PCSK6: variants seen among roughly 807,000 people sequenced by gnomAD.
PCSK6 encodes proprotein convertase subtilisin/kexin type 6.
In PCSK6, 85 loss-of-function variants were observed where a neutral mutation model predicts 123.3. That is an observed-to-expected ratio of 0.69 (90% CI 0.58 to 0.83). PCSK6 has a LOEUF of 0.83. Ranked by LOEUF, PCSK6 falls within the 40% of genes least tolerant of loss-of-function variation. PCSK6 has a pLI of 0.00. For synonymous variants in PCSK6, 508 were observed against 516.0 expected, an observed-to-expected ratio of 0.98 and a Z score of 0.21; for missense variants, 1,191 against 1,282.3, an observed-to-expected ratio of 0.93 and a Z score of 1.09.
chr15:101,325,199 C>T (rs764962569), intron 16 of PCSK6, among the ~76,000 whole-genome samples, 153 bp from the exon 17 acceptor site: 1 of 152,132 alleles, frequency 6.6e-6, no homozygotes, highest in Non-Finnish European at 1.5e-5. Context: ...GAGGTTCCTA[C>T]GTACACAGGT....
intron 6 of PCSK6, among the ~76,000 whole-genome samples, chr15:101,420,046 C>G (rs1596314929): frequency 6.6e-6 from 1 of 151,902 alleles, no homozygotes; most frequent in South Asian, 2.1e-4. Flanking sequence ...AAAAAATTAG[C>G]CAGGCATGGT....
At chr15:101,406,453 C>A (rs748809540) in intron 6 of PCSK6, among the ~76,000 whole-genome samples, 1 of 152,184 alleles carries the variant, frequency 6.6e-6, no homozygotes, top group African/African-American at 2.4e-5. Flanking sequence ...ACATTTTGCT[C>A]ATTAGCCCTG....
chr15:101,395,073 G>A (rs1377352903), intron 7 of PCSK6, among the ~76,000 whole-genome samples: 2 of 152,196 alleles, frequency 1.3e-5, no homozygotes, highest in Non-Finnish European at 2.9e-5. Context: ...AAATCAAAAG[G>A]TATTTAACCC....
chr15:101,487,822 C>T (rs1596190633), intron 1 of PCSK6, among the ~76,000 whole-genome samples: 1 of 152,092 alleles, frequency 6.6e-6, no homozygotes, highest in African/African-American at 2.4e-5. Flanking sequence ...GAAGTCAGTG[C>T]TACCCGACGG....
rs2039677815 is a variant in PCSK6 at position 101,304,362 on chromosome 15, T to G, written c.*896A>C. ...CTGAAGGGCAGAGGCCAAATGTATT[T>G]TAAAAGCAATTCCATAAAATGGGAA... On this transcript the variant is annotated 3_prime_UTR_variant, in exon 22 of 22. Transcript: ENST00000611716. 6.6e-6 allele frequency: 1 copy of G among 152,398 alleles called. No individual in the cohort carries two copies. Among genetic ancestry groups the G allele is most frequent in the African/African-American group, 2.4e-5 (1 of 41,458 alleles). 9.4% of individuals were successfully genotyped at this position (152,398 alleles called of 1,614,324 possible).
chr15:101,440,753 G>A (rs1043327606), intron 2 of PCSK6, among the ~76,000 whole-genome samples: 5 of 152,196 alleles, frequency 3.3e-5, no homozygotes, highest in Non-Finnish European at 2.9e-5. Context: ...CCAACGTAGG[G>A]AAACGTTCTG....
intron 19 of PCSK6, among the ~76,000 whole-genome samples, chr15:101,314,968 G>T (rs981169163): frequency 9.2e-5 from 14 of 152,162 alleles, no homozygotes; most frequent in African/African-American, 3.1e-4. Flanking sequence ...CACCAGGCGG[G>T]GTGCCACTCT....
At chr15:101,457,408 T>C (rs926607193) in intron 1 of PCSK6, among the ~76,000 whole-genome samples, 8 of 152,182 alleles carry the variant, frequency 5.3e-5, no homozygotes, top group African/African-American at 1.9e-4. Context: ...GTGATGCATA[T>C]GGAATGCTCG....
chr15:101,313,474 C>T lies in PCSK6; in HGVS notation c.2601G>A (p.Ala867=), dbSNP rs1358550743. The change falls in exon 20 of 22, where the codon GCG becomes GCA. Residue 867 remains alanine, a synonymous_variant. Transcript: ENST00000611716. ...TCCAGTCGTGGAAGTGGAAGTTTTT[C>T]GCACAGTGAATGCACTCTTCTCTGC... ...GPGREECIHC[A]KNFHFHDWKC... 4 of 1,609,572 alleles carry T rather than the reference C, an allele frequency of 2.5e-6. No homozygotes were observed. Among genetic ancestry groups the T allele is most frequent in the Admixed American group, 1.7e-5 (1 of 60,020 alleles).
chr15:101,430,713 A>G (rs2056420245), intron 4 of PCSK6, among the ~76,000 whole-genome samples: 1 of 152,254 alleles, frequency 6.6e-6, no homozygotes, highest in Non-Finnish European at 1.5e-5. Flanking sequence ...GATGGATACA[A>G]TATGGTTTAC....
intron 1 of PCSK6, among the ~76,000 whole-genome samples, chr15:101,465,144 A>G (rs1035208127): frequency 6.6e-6 from 1 of 152,178 alleles, no homozygotes; most frequent in Non-Finnish European, 1.5e-5. Context: ...GGGACCCTTT[A>G]AGAAAGGGCC....
chr15:101,320,898 CTA>C (rs1423218196), intron 18 of PCSK6, among the ~76,000 whole-genome samples: 1 of 152,222 alleles, frequency 6.6e-6, no homozygotes, highest in Non-Finnish European at 1.5e-5. Flanking sequence ...AGCACTGCCT[CTA>C]TGTGGCGGGG....
chr15:101,420,127 G>T (rs1419290653), intron 6 of PCSK6, among the ~76,000 whole-genome samples: 1 of 148,542 alleles, frequency 6.7e-6, no homozygotes, highest in Non-Finnish European at 1.5e-5. Context: ...GGAGGTGGAG[G>T]TTGCAGTGAG....
chr15:101,347,488 T>C lies in PCSK6; in HGVS notation c.1859-15457A>G, dbSNP rs369764660. The C allele has an allele frequency of 1.4e-5, 18 of 1,302,012 alleles. No homozygotes were observed. The African/African-American group carries it at 2.2e-4, about 16-fold the overall frequency. The allele number at this position is 1,302,012 out of a possible 1,614,324, so 80.7% of individuals were successfully genotyped here. A position where few individuals can be genotyped will look rare whatever the true frequency, so the allele number is the denominator to read the frequency against. ...CCTTCATTAAACATTTTACTGAGTATGTACAGCTGAAGACAGAACTGGTTA... is the reference window on the plus strand; with the variant it reads ...CCTTCATTAAACATTTTACTGAGTACGTACAGCTGAAGACAGAACTGGTTA... On this transcript the variant is annotated intron_variant, in intron 13 of 21. Transcript: ENST00000611716.
chr15:101,329,089 G>T (rs1194001169), intron 15 of PCSK6, among the ~76,000 whole-genome samples: 1 of 152,298 alleles, frequency 6.6e-6, no homozygotes, highest in African/African-American at 2.4e-5. Flanking sequence ...CCTAGCAGGG[G>T]TCTCTTCATA....
intron 1 of PCSK6, among the ~76,000 whole-genome samples, chr15:101,479,907 C>T (rs1420387170): frequency 6.6e-6 from 1 of 152,172 alleles, no homozygotes; most frequent in Non-Finnish European, 1.5e-5. Context: ...GGGGGACAGT[C>T]CAGGAAGGGG....
rs774009155 is a variant in PCSK6, at chr15:101,305,218, T to C, written c.*40A>G. 14 of 1,507,216 alleles carry C rather than the reference T, an allele frequency of 9.3e-6. No individual in the cohort carries two copies. Among genetic ancestry groups the C allele is most frequent in the Admixed American group, 1.7e-5 (1 of 57,530 alleles). 93.4% of individuals were successfully genotyped at this position (1,507,216 alleles called of 1,614,324 possible). ...GTCTGGAGGAAGGTGGACGGATGGATGGATGGGAGTGCCTGCCCTCTGTGG... is the reference window on the plus strand; with the variant it reads ...GTCTGGAGGAAGGTGGACGGATGGACGGATGGGAGTGCCTGCCCTCTGTGG... On this transcript the variant is annotated 3_prime_UTR_variant, in exon 22 of 22. Coordinates refer to ENST00000611716, the MANE Select transcript of PCSK6 (RefSeq NM_002570.5). The surrounding 1 kb of genome is among the most constrained non-coding windows in gnomAD (Gnocchi z 4.8).
At chr15:101,311,575 A>G (rs1041747962) in intron 20 of PCSK6, among the ~76,000 whole-genome samples, 1 of 151,960 alleles carries the variant, frequency 6.6e-6, no homozygotes, top group East Asian at 1.9e-4. Context: ...TTTTCTTTAT[A>G]AATCACCCAA....
chr15:101,381,538 A>G (rs1342214536), intron 11 of PCSK6, among the ~76,000 whole-genome samples: 1 of 152,224 alleles, frequency 6.6e-6, no homozygotes, highest in Non-Finnish European at 1.5e-5. Flanking sequence ...GTACGGAGCC[A>G]GATAAAAGCC....
Sources: gnomAD v4.1 joint callset for allele counts (sites outside exome capture counted in the v4.1 genomes callset) on GRCh38, gnomAD v4.1.1 for gene constraint, Gnocchi (gnomAD v3.1) non-coding constraint, MANE v1.5 for transcripts, NCBI Gene and HGNC (gene_info 2026-07-23, HGNC 2026-07-21) for gene names.